The following GLP2R variants were observed in gnomAD, a reference collection of about 807,000 sequenced individuals.
The protein encoded by GLP2R is glucagon like peptide 2 receptor.
A neutral mutation model predicts 68.2 loss-of-function variants in GLP2R; 59 were observed. The observed-to-expected ratio is 0.87, with a 90% CI of 0.70 to 1.07. The LOEUF (loss-of-function observed/expected upper bound fraction) is 1.07, where lower values mean the gene tolerates loss of function less well. GLP2R is among the 50% of genes least tolerant of loss of function. The pLI is 0.00. For missense variants in GLP2R, 548 were observed against 677.4 expected (o/e 0.81, Z 2.12); for synonymous variants, 270 against 265.4 (o/e 1.02, Z -0.17).
intron 8 of GLP2R, among the ~76,000 whole-genome samples, chr17:9,861,461 G>A (rs2280492): frequency 0.4 from 61,136 of 152,002 alleles, 13,255 homozygotes; most frequent in African/African-American, 0.56. Context: ...AAATACAAGA[G>A]TGGTTACTGC....
At chr17:9,848,443 C>T (rs2066861133) in intron 4 of GLP2R, among the ~76,000 whole-genome samples, 1 of 152,104 alleles carries the variant, frequency 6.6e-6, no homozygotes, top group Non-Finnish European at 1.5e-5. Context: ...GTCCAGCCAT[C>T]AATACTAGTT....
chr17:9,836,057 A>AAAG (rs2066727754), intron 2 of GLP2R, among the ~76,000 whole-genome samples: 1 of 151,726 alleles, frequency 6.6e-6, no homozygotes, highest in Non-Finnish European at 1.5e-5. Context: ...AAAAAAAAAA[A>AAAG]AAAGAAAGAA....
intron 5 of GLP2R, among the ~76,000 whole-genome samples, chr17:9,856,670 G>A (rs1448532519): frequency 1.3e-5 from 2 of 152,190 alleles, no homozygotes; most frequent in Middle Eastern, 3.2e-3. Context: ...TGTTCTCAGA[G>A]GCAGAAGAAA....
At chr17:9,879,992 T>C (rs1335573330) in intron 10 of GLP2R, among the ~76,000 whole-genome samples, 1 of 152,164 alleles carries the variant, frequency 6.6e-6, no homozygotes, top group Admixed American at 6.5e-5. Context: ...AAGAAAGAGA[T>C]AGATGAAACT....
intron 3 of GLP2R, among the ~76,000 whole-genome samples, chr17:9,841,376 C>T (rs544975744): frequency 6.6e-6 from 1 of 151,948 alleles, no homozygotes; most frequent in East Asian, 1.9e-4. Flanking sequence ...GGGTTGCCCA[C>T]AGATGTGAGG....
chr17:9,833,504 C>T (rs1474873217), intron 1 of GLP2R, among the ~76,000 whole-genome samples: 1 of 152,198 alleles, frequency 6.6e-6, no homozygotes, highest in Non-Finnish European at 1.5e-5. Context: ...TGCAACTATT[C>T]ATGTGGGAGG....
At chr17:9,871,532 G>A (rs1390311401) in intron 10 of GLP2R, among the ~76,000 whole-genome samples, 1 of 152,016 alleles carries the variant, frequency 6.6e-6, no homozygotes, top group African/African-American at 2.4e-5. Flanking sequence ...TCCTTCCACA[G>A]GCATCCTTTA....
chr17:9,837,841 G>A (rs1312498081), intron 3 of GLP2R, among the ~76,000 whole-genome samples: 2 of 152,150 alleles, frequency 1.3e-5, no homozygotes, highest in African/African-American at 4.8e-5. Flanking sequence ...CAAGCTCCAG[G>A]CAAAACAAGG....
chr17:9,885,652 C>G (rs566130240), intron 11 of GLP2R, among the ~76,000 whole-genome samples: 23 of 152,098 alleles, frequency 1.5e-4, no homozygotes, highest in Admixed American at 9.2e-4. Flanking sequence ...ATCTTACTTC[C>G]TCTAAGATGG....
chr17:9,826,182 A>G lies in GLP2R; in HGVS notation c.119A>G (p.His40Arg). Residue 40 changes from histidine to arginine, a missense_variant, in exon 1 of 13, where the codon CAC becomes CGC. Transcript: ENST00000262441. ...TGGGGGACCAGTCCTCTCTCCTTCC[A>G]CAGGAAGTGCTCTCTCTGGGCCCCT... ...APWGTSPLSFHRKCSLWAPGR... is the reference protein window; with the variant it reads ...APWGTSPLSFRRKCSLWAPGR... 1 of 1,613,370 alleles carries G rather than the reference A, an allele frequency of 6.2e-7. No homozygotes were observed.
chr17:9,877,461 G>A (rs1023235238), intron 10 of GLP2R, among the ~76,000 whole-genome samples: 3 of 152,138 alleles, frequency 2.0e-5, no homozygotes, highest in African/African-American at 4.8e-5. Context: ...TGTACTAAAC[G>A]AAATGTGGGA....
chr17:9,857,388 C>T (rs778151721), intron 5 of GLP2R, 35 bp from the exon 6 acceptor site: 10 of 1,609,348 alleles, frequency 6.2e-6, no homozygotes, highest in East Asian at 4.5e-5. Flanking sequence ...GCCATTCTTT[C>T]CTGAGGGAAG....
intron 10 of GLP2R, among the ~76,000 whole-genome samples, chr17:9,879,484 G>A (rs554351967): frequency 1.4e-4 from 21 of 152,152 alleles, no homozygotes; most frequent in Non-Finnish European, 2.6e-4. Flanking sequence ...GTGACAGAGG[G>A]AGATCCTGTC....
intron 3 of GLP2R, among the ~76,000 whole-genome samples, chr17:9,842,288 C>T (rs2066794406): frequency 6.6e-6 from 1 of 152,218 alleles, no homozygotes; most frequent in Non-Finnish European, 1.5e-5. Context: ...GTAAACACAG[C>T]AGACATTAGC....
chr17:9,826,358 A>T, intron 1 of GLP2R, 106 bp downstream of exon 1: 1 of 724,082 alleles, frequency 1.4e-6, no homozygotes, highest in Non-Finnish European at 2.1e-6. Context: ...AGAAAACAGT[A>T]TTAAGAAAAT....
At chr17:9,860,123 T>G (rs1236350266) in intron 7 of GLP2R, 22 bp downstream of exon 7, 1 of 1,558,884 alleles carries the variant, frequency 6.4e-7, no homozygotes, top group Non-Finnish European at 8.7e-7. Flanking sequence ...GACCTTCAGC[T>G]TCCTTTCCTG....
rs763879567 is a variant in GLP2R at position 9,870,850 on chromosome 17, G to C, written c.1145+15G>C. ...TATAAATACAGGTGAGTGGCTTAAG[G>C]TTGGTCCCCAGCAGTCCAAGGTTAT... On this transcript the variant is annotated intron_variant, in intron 10 of 12. Transcript: ENST00000262441. 7.9e-7 allele frequency: 1 copy of C among 1,264,178 alleles called. No individual in the cohort carries two copies. Among genetic ancestry groups the C allele is most frequent in the Non-Finnish European group, 1.2e-6 (1 of 860,842 alleles). The allele number at this position is 1,264,178 out of a possible 1,614,324, so 78.3% of individuals were successfully genotyped here.
intron 11 of GLP2R, among the ~76,000 whole-genome samples, chr17:9,887,658 C>T (rs987589927): frequency 7.2e-5 from 11 of 152,162 alleles, no homozygotes; most frequent in African/African-American, 2.4e-4. Flanking sequence ...TCATCATTGA[C>T]CCATGTGCAC....
At chr17:9,862,793 C>T (rs368320255) in intron 9 of GLP2R, among the ~76,000 whole-genome samples, 26 of 152,282 alleles carry the variant, frequency 1.7e-4, no homozygotes, top group African/African-American at 4.1e-4. Context: ...ATAATCTTCG[C>T]GTGCCCACCA....
Sources: gnomAD v4.1 joint callset for allele counts (sites outside exome capture counted in the v4.1 genomes callset) on GRCh38, gnomAD v4.1.1 for gene constraint, MANE v1.5 for transcripts, NCBI Gene and HGNC (gene_info 2026-07-23, HGNC 2026-07-21) for gene names.